Variants in ZNF711 observed in about 807,000 individuals in gnomAD.
ZNF711 encodes the protein zinc finger protein 711.
In ZNF711, 3 loss-of-function variants were observed where a neutral mutation model predicts 43.5. The ratio of observed to expected loss-of-function variants is 0.07; its 90% CI spans 0.03 to 0.18. The LOEUF (loss-of-function observed/expected upper bound fraction) is 0.18, where lower values mean the gene tolerates loss of function less well. Among genes scored for constraint, ZNF711 ranks in the 10% least tolerant of loss-of-function variants. ZNF711 has a pLI of 1.00. For synonymous variants in ZNF711, 209 were observed against 207.7 expected (o/e 1.01, Z -0.06); for missense variants, 412 against 604.0 (o/e 0.68, Z 3.33).
intron 4 of ZNF711, among the ~76,000 whole-genome samples, chrX:85,252,089 A>G (rs1201360194): frequency 8.9e-6 from 1 of 111,911 alleles, no homozygotes; most frequent in Admixed American, 9.5e-5. Context: ...TTAGAAAGTC[A>G]GTGGAATCTA....
At chrX:85,263,996 A>G (rs1457920140) in intron 5 of ZNF711, among the ~76,000 whole-genome samples, 1 of 110,293 alleles carries the variant, frequency 9.1e-6, no homozygotes, top group Non-Finnish European at 1.9e-5. Context: ...TGTACCTATC[A>G]CCTGAATAGT....
rs757892535 is a variant in ZNF711, at chrX:85,268,333, A to C, written c.1094A>C (p.Gln365Pro). The change falls in exon 9 of 11, where the codon CAA (glutamine) becomes CCA (proline). Residue 365 changes from glutamine to proline, a missense_variant. Physicochemically the swap from Gln to Pro is moderately conservative, Grantham distance 76. Around this residue, in one of 4 missense-constraint regions of ZNF711, gnomAD observed 375 missense variants for 514.2 expected, o/e 0.73. Coordinates refer to ENST00000674551, the MANE Select transcript of ZNF711 (RefSeq NM_001330574.2). ...RRVSRRYEDC[Q>P]ASGNTLDSAL... ...GTTTCCCGAAGGTATGAAGATTGTC[A>C]AGCATCAGGTAAGAGAGCATTGTAT... is the stretch of plus-strand genomic sequence containing the variant. 8.4e-7 allele frequency: 1 copy of C among 1,196,766 alleles called. No individual in the cohort carries two copies. The highest frequency in any genetic ancestry group is 1.1e-6 in the Non-Finnish European group (1 of 889,732).
At chrX:85,259,022 A>G (rs1930409581) in intron 5 of ZNF711, among the ~76,000 whole-genome samples, 1 of 111,193 alleles carries the variant, frequency 9.0e-6, no homozygotes, top group African/African-American at 3.3e-5. Flanking sequence ...GTTTTCTTCT[A>G]GGATTCTTAT....
chrX:85,271,970 T>A lies in ZNF711; in HGVS notation c.*142T>A. Reference sequence around the variant, plus strand: ...TCTTTGTATTAAAGATCTTAAAATATTTGAATTCACAGGGGATCCCATAGC... The same window carrying A: ...TCTTTGTATTAAAGATCTTAAAATAATTGAATTCACAGGGGATCCCATAGC... On this transcript the variant is annotated 3_prime_UTR_variant, in exon 11 of 11. Coordinates refer to ENST00000674551, the MANE Select transcript of ZNF711 (RefSeq NM_001330574.2). 2.0e-6 allele frequency: 1 copy of A among 512,035 alleles called. No homozygotes were observed. The highest frequency in any genetic ancestry group is 3.3e-6 in the Non-Finnish European group (1 of 306,633). The allele number at this position is 512,035 out of a possible 1,213,427, so 42.2% of individuals were successfully genotyped here.
intron 5 of ZNF711, 130 bp from the exon 6 acceptor site, chrX:85,264,145 G>A: frequency 3.9e-6 from 2 of 515,319 alleles, no homozygotes; most frequent in Admixed American, 5.9e-5. Flanking sequence ...GAATACAGTG[G>A]GTAGGTGGTT....
intron 4 of ZNF711, among the ~76,000 whole-genome samples, chrX:85,253,176 A>G (rs1445096711): frequency 3.6e-5 from 4 of 111,563 alleles, no homozygotes; most frequent in Non-Finnish European, 7.5e-5. Flanking sequence ...GGTGTTTACC[A>G]TGCCGCTCAA....
intron 4 of ZNF711, among the ~76,000 whole-genome samples, chrX:85,254,780 C>T (rs1188967884): frequency 2.2e-5 from 2 of 92,807 alleles, no homozygotes; most frequent in African/African-American, 8.3e-5. Context: ...CCAGCCCGGG[C>T]GATAGAGCGA....
chrX:85,264,248 T>C (rs748721509), intron 5 of ZNF711, 27 bp from the exon 6 acceptor site: 1 of 1,153,208 alleles, frequency 8.7e-7, no homozygotes, highest in African/African-American at 1.8e-5. Flanking sequence ...ATTTTTTGAC[T>C]GAAATAATTT....
intron 4 of ZNF711, among the ~76,000 whole-genome samples, chrX:85,251,389 A>G (rs927348043): frequency 8.9e-6 from 1 of 111,824 alleles, no homozygotes; most frequent in Non-Finnish European, 1.9e-5. Context: ...ATAGTTGTTT[A>G]AGATTTTAAT....
In ZNF711 at chrX:85,270,025, A is replaced by G. The variant is rs768049830; in HGVS notation, c.1125A>G (p.Leu375=). 2 of 1,210,716 alleles carry G rather than the reference A, an allele frequency of 1.7e-6. No homozygotes were observed. The highest frequency in any genetic ancestry group is 4.4e-5 in the Admixed American group (2 of 45,917). The change falls in exon 10 of 11, where the codon TTA becomes TTG. Residue 375 remains leucine (L), a synonymous_variant. Coordinates refer to ENST00000674551, the MANE Select transcript of ZNF711 (RefSeq NM_001330574.2). ...CAGGAAATACTTTGGACTCAGCATT[A>G]GAAAGCAGAAGTAGTACAGCAGCAC... ...QASGNTLDSA[L]ESRSSTAAQY...
chrX:85,270,263 G>T, intron 10 of ZNF711, 117 bp downstream of exon 10: 4 of 689,142 alleles, frequency 5.8e-6, no homozygotes, highest in Non-Finnish European at 8.4e-6. Flanking sequence ...ACCTGTTTGT[G>T]TATGCTATAG....
intron 3 of ZNF711, 83 bp downstream of exon 3, chrX:85,247,271 G>A (rs1336618322): frequency 6.3e-6 from 2 of 316,093 alleles, no homozygotes; most frequent in East Asian, 9.5e-5. Flanking sequence ...TAGCACTGCA[G>A]TTTTGTTGTT....
At chrX:85,257,625 A>T (rs1235289272) in intron 5 of ZNF711, among the ~76,000 whole-genome samples, 2 of 112,325 alleles carry the variant, frequency 1.8e-5, no homozygotes, top group African/African-American at 6.5e-5. Flanking sequence ...TAATGCTGTG[A>T]TGAACACACA....
At chrX:85,257,845 A>C (rs758344053) in intron 5 of ZNF711, among the ~76,000 whole-genome samples, 1 of 113,254 alleles carries the variant, frequency 8.8e-6, no homozygotes, top group African/African-American at 3.2e-5. Context: ...TTTTTTTGAC[A>C]TTTTAGTAAT....
At chrX:85,251,206 G>A (rs1254157503) in intron 4 of ZNF711, among the ~76,000 whole-genome samples, 2 of 105,647 alleles carry the variant, frequency 1.9e-5, no homozygotes, top group Non-Finnish European at 4.0e-5. Flanking sequence ...TCCAAATTCT[G>A]TAAGGTTCTT....
rs1184501141 is a variant in ZNF711 at position 85,255,548 on chromosome X, G to A, written c.369G>A (p.Arg123=). 8.3e-7 allele frequency: 1 copy of A among 1,209,956 alleles called. No homozygotes were observed. Among genetic ancestry groups the A allele is most frequent in the African/African-American group, 1.8e-5 (1 of 57,101 alleles). ...LTSELITETV[R]VPEQVFVADL... ...CTGAACTAATTACAGAAACCGTTAG[G>A]GTACCAGAGCAGGTTTTCGTGGCTG... The change falls in exon 5 of 11, where the codon AGG becomes AGA. Residue 123 remains arginine (R), a synonymous_variant. Transcript: ENST00000674551.
intron 3 of ZNF711, 21 bp from the exon 4 acceptor site, chrX:85,247,526 T>A: frequency 9.2e-7 from 1 of 1,091,316 alleles, no homozygotes; most frequent in Non-Finnish European, 1.3e-6. Flanking sequence ...TAAACTATTT[T>A]AAAAGCCATT....
chrX:85,257,058 G>A (rs887469350), intron 5 of ZNF711, among the ~76,000 whole-genome samples: 1 of 111,691 alleles, frequency 9.0e-6, no homozygotes, highest in Non-Finnish European at 1.9e-5. Flanking sequence ...ATTGTGAACA[G>A]TCATACCTTG....
Position 85,270,634 on chromosome X carries a change from C to A in ZNF711, c.1247-17C>A, listed in dbSNP as rs1339593445. The A allele has an allele frequency of 1.7e-6, 2 of 1,184,452 alleles. No homozygotes were observed. The highest frequency in any genetic ancestry group is 4.4e-5 in the Admixed American group (2 of 45,194). On this transcript the variant is annotated splice_polypyrimidine_tract_variant and intron_variant, in intron 10 of 10. Coordinates refer to ENST00000674551, the MANE Select transcript of ZNF711 (RefSeq NM_001330574.2). ...CAGTCTGACCAAATGTCACAACTTT[C>A]TCTTTTCTTTATCTAGCTGTTATAA... is the stretch of plus-strand genomic sequence containing the variant.
Sources: allele counts gnomAD v4.1 joint callset (sites outside exome capture counted in the v4.1 genomes callset), GRCh38; gene constraint gnomAD v4.1.1; regional missense constraint gnomAD v4.1.1; transcripts MANE v1.5; gene names NCBI Gene and HGNC (gene_info 2026-07-23, HGNC 2026-07-21).